HUWE1: variants seen among roughly 807,000 people sequenced by gnomAD.
HUWE1 encodes the protein HECT, UBA and WWE domain containing E3 ubiquitin protein ligase 1.
In HUWE1, 18 loss-of-function variants were observed where a neutral mutation model predicts 299.4. The observed-to-expected ratio is 0.06, with a 90% CI of 0.04 to 0.09. The LOEUF is 0.09. HUWE1 is among the 10% of genes least tolerant of loss of function. HUWE1 has a pLI of 1.00. For missense variants in HUWE1, 1,832 were observed against 3,462.3 expected, an observed-to-expected ratio of 0.53 and a Z score of 11.82; for synonymous variants, 1,317 against 1,286.1, an observed-to-expected ratio of 1.02 and a Z score of -0.51.
chrX:53,535,122 A>G (rs934448558), intron 81 of HUWE1, among the ~76,000 whole-genome samples: 1 of 110,434 alleles, frequency 9.1e-6, no homozygotes, highest in African/African-American at 3.3e-5. Flanking sequence ...TTTAGTAGAG[A>G]CGGGGTTTCA....
intron 28 of HUWE1, among the ~76,000 whole-genome samples, chrX:53,602,140 C>T (rs1326542907): frequency 8.9e-6 from 1 of 111,807 alleles, no homozygotes; most frequent in Non-Finnish European, 1.9e-5. Context: ...ATCAATTTTA[C>T]ATTTGTAGAA....
At chrX:53,665,903 G>A (rs1411487845) in intron 3 of HUWE1, among the ~76,000 whole-genome samples, 1 of 111,373 alleles carries the variant, frequency 9.0e-6, no homozygotes, top group Non-Finnish European at 1.9e-5. Context: ...AGCCTGAGGT[G>A]GGAGGATAAG....
intron 3 of HUWE1, among the ~76,000 whole-genome samples, chrX:53,674,648 A>G (rs1557050516): frequency 8.9e-6 from 1 of 112,012 alleles, no homozygotes; most frequent in East Asian, 2.8e-4. Context: ...ACTCTGTGAC[A>G]TTCTCTGATG....
At chrX:53,599,447 C>T (rs910977138) in intron 29 of HUWE1, among the ~76,000 whole-genome samples, 18 of 110,880 alleles carry the variant, frequency 1.6e-4, no homozygotes, top group African/African-American at 5.6e-4. Flanking sequence ...CAGAAAGTGA[C>T]GACAATTTAC....
intron 3 of HUWE1, among the ~76,000 whole-genome samples, chrX:53,661,519 G>A (rs1211128970): frequency 1.8e-5 from 2 of 111,313 alleles, no homozygotes; most frequent in Non-Finnish European, 3.8e-5. Flanking sequence ...ACAGTAACTG[G>A]GGAATGAGTT....
At chrX:53,661,915 G>T (rs2069024272) in intron 3 of HUWE1, among the ~76,000 whole-genome samples, 1 of 111,571 alleles carries the variant, frequency 9.0e-6, no homozygotes, top group Admixed American at 9.5e-5. Context: ...TATCCTGAGG[G>T]AAGCCACTCA....
At chrX:53,562,286 T>C in intron 53 of HUWE1, 42 bp from the exon 54 acceptor site, 6 of 1,196,228 alleles carry the variant, frequency 5.0e-6, no homozygotes, top group Non-Finnish European at 6.8e-6. Context: ...ACTGAGTAGC[T>C]AGAAAACAGG....
At chrX:53,541,506 A>AT (rs782102215) in intron 74 of HUWE1, among the ~76,000 whole-genome samples, 1 of 111,596 alleles carries the variant, frequency 9.0e-6, no homozygotes, top group East Asian at 2.8e-4. Flanking sequence ...AGGCAGGAGA[A>AT]TCACTTGAAT....
intron 28 of HUWE1, among the ~76,000 whole-genome samples, chrX:53,600,805 C>T (rs782045908): frequency 8.9e-6 from 1 of 112,608 alleles, no homozygotes; most frequent in African/African-American, 3.2e-5. Flanking sequence ...TTTATGCAAA[C>T]TTATAAAACA....
intron 43 of HUWE1, among the ~76,000 whole-genome samples, chrX:53,579,359 T>C (rs1222632289): frequency 9.4e-6 from 1 of 106,046 alleles, no homozygotes; most frequent in African/African-American, 3.5e-5. Flanking sequence ...AGCCGCCCCA[T>C]CCGGGAGGTG....
In HUWE1 at chrX:53,595,296, T is replaced by G; in HGVS notation, c.3271A>C (p.Thr1091Pro). ...CGCGCGGCAGGTGTCGGTGCTGTAG[T>G]GGTGCTGGCAGCATGATGGCTCCTT... is the stretch of plus-strand genomic sequence containing the variant. The part of the protein sequence containing the change: ...QRRSHHAAST[T>P]TAPTPAARST... Residue 1091 changes from threonine to proline, a missense_variant, in exon 30 of 84, where the codon ACT becomes CCT. By Grantham distance (38) the Thr-to-Pro change is conservative. This residue lies in a region of HUWE1 where 658 missense variants were observed against 1,282.6 expected (regional missense o/e 0.51). Coordinates refer to ENST00000262854, the MANE Select transcript of HUWE1 (RefSeq NM_031407.7). 1.7e-6 allele frequency: 2 copies of G among 1,210,526 alleles called. No homozygotes were observed. The highest frequency in any genetic ancestry group is 2.2e-6 in the Non-Finnish European group (2 of 894,793).
chrX:53,626,209 A>G (rs1331839515), intron 17 of HUWE1, among the ~76,000 whole-genome samples: 1 of 75,387 alleles, frequency 1.3e-5, no homozygotes, highest in Admixed American at 1.7e-4. Flanking sequence ...ATACGTACAT[A>G]CATACACGTG....
chrX:53,614,265 C>CA (rs1411744295), intron 23 of HUWE1, among the ~76,000 whole-genome samples: 8 of 109,753 alleles, frequency 7.3e-5, no homozygotes, highest in South Asian at 3.8e-4. Context: ...AACTCTCTCT[C>CA]AAAAAAATCA....
intron 7 of HUWE1, among the ~76,000 whole-genome samples, chrX:53,635,519 T>C (rs1242776501): frequency 9.0e-6 from 1 of 111,509 alleles, no homozygotes; most frequent in Non-Finnish European, 1.9e-5. Flanking sequence ...AGCCTTGCCA[T>C]GTTGCCCAGG....
At chrX:53,583,532 C>T in intron 42 of HUWE1, 26 bp downstream of exon 42, 1 of 1,060,860 alleles carries the variant, frequency 9.4e-7, no homozygotes, top group African/African-American at 1.8e-5. Context: ...AAAGCTAAAC[C>T]AGAATCTGAT....
At position 53,602,615 on chromosome X, in the gene HUWE1, G is replaced by A. The variant is rs890149950; in HGVS notation, c.2920C>T (p.Leu974=). The A allele has an allele frequency of 1.4e-5, 17 of 1,198,423 alleles. No individual in the cohort carries two copies. Among genetic ancestry groups the A allele is most frequent in the Non-Finnish European group, 1.9e-5 (17 of 884,468 alleles). ...CCTGCCTTCTCATCCTTTGGAACCA[G>A]TTTCTGCATATCTGCCTGGCCAAAT... ...CEFGQADMQK[L]VPKDEKAGTT... is the part of the protein sequence containing the mutation. Residue 974 remains leucine, a synonymous_variant, in exon 28 of 84, where the codon CTG becomes TTG. Coordinates refer to ENST00000262854, the MANE Select transcript of HUWE1 (RefSeq NM_031407.7).
Position 53,585,649 on chromosome X carries a change from A to G in HUWE1, c.4825-461T>C, listed in dbSNP as rs2063821043. On this transcript the variant is annotated intron_variant, in intron 39 of 83. Transcript: ENST00000262854. Reference sequence around the variant, plus strand: ...GATGTGGTCCCTTAGATCAGCCTCTAGAACTATGAGCCAAATAAACTTGTA... The same window carrying G: ...GATGTGGTCCCTTAGATCAGCCTCTGGAACTATGAGCCAAATAAACTTGTA... Among the ~76,000 whole-genome samples, 4 of 112,277 alleles carry G rather than the reference A, an allele frequency of 3.6e-5. No individual in the cohort carries two copies. The South Asian group carries it at 1.5e-3, about 42-fold the overall frequency.
intron 21 of HUWE1, among the ~76,000 whole-genome samples, chrX:53,616,566 T>C (rs1270663309): frequency 9.0e-6 from 1 of 111,380 alleles, no homozygotes; most frequent in Non-Finnish European, 1.9e-5. Context: ...GCTAATAATC[T>C]CTCAATTATC....
At chrX:53,639,223 G>A (rs1603230538) in intron 7 of HUWE1, among the ~76,000 whole-genome samples, 1 of 111,865 alleles carries the variant, frequency 8.9e-6, no homozygotes, top group South Asian at 3.7e-4. Context: ...AAATCCTAAT[G>A]GCCAAGCATA....
Sources: gnomAD v4.1 joint callset for allele counts (sites outside exome capture counted in the v4.1 genomes callset) on GRCh38, gnomAD v4.1.1 for gene constraint, gnomAD v4.1.1 regional missense constraint, MANE v1.5 for transcripts, NCBI Gene and HGNC (gene_info 2026-07-23, HGNC 2026-07-21) for gene names.